The following NUMA1 variants were observed in gnomAD, a reference collection of about 807,000 sequenced individuals.
NUMA1 encodes the protein nuclear mitotic apparatus protein 1, also known as SP-H antigen.
In NUMA1, 62 loss-of-function variants were observed where a neutral mutation model predicts 237.1. The observed-to-expected ratio is 0.26, with a 90% CI of 0.21 to 0.32. NUMA1 has a LOEUF of 0.32. NUMA1 is among the 10% of genes least tolerant of loss of function. The pLI is 1.00. For missense variants in NUMA1, 2,533 were observed against 2,666.5 expected (o/e 0.95, Z 1.10); for synonymous variants, 1,028 against 1,066.1 (o/e 0.96, Z 0.70).
chr11:72,062,962 G>C (rs749819063), intron 2 of NUMA1, among the ~76,000 whole-genome samples: 14 of 152,050 alleles, frequency 9.2e-5, no homozygotes, highest in Non-Finnish European at 2.1e-4. Flanking sequence ...CTAGCTACTC[G>C]GGAGGCTGAG....
At chr11:72,022,524 A>G (rs1350422965) in intron 6 of NUMA1, 105 bp from the exon 7 acceptor site, 2 of 713,630 alleles carry the variant, frequency 2.8e-6, no homozygotes. Flanking sequence ...TGACTCTTCT[A>G]AAAGTCCTGG....
chr11:72,067,858 T>C (rs1943267743), intron 2 of NUMA1: 2 of 152,248 alleles, frequency 1.3e-5, no homozygotes, highest in Admixed American at 6.5e-5. Context: ...ACACCTCATT[T>C]AACTGATGAG....
At chr11:72,044,586 T>C (rs1248478890) in intron 2 of NUMA1, among the ~76,000 whole-genome samples, 1 of 60,286 alleles carries the variant, frequency 1.7e-5, no homozygotes, top group Non-Finnish European at 4.0e-5. Context: ...TATTTAACAG[T>C]TAACAGGGGT....
chr11:72,026,068 AC>A (rs1939540956), intron 4 of NUMA1, among the ~76,000 whole-genome samples: 1 of 152,136 alleles, frequency 6.6e-6, no homozygotes, highest in South Asian at 2.1e-4. Context: ...TATTTCCTAA[AC>A]CTATTTGACC....
rs767957353 is a variant in NUMA1, at chr11:72,005,296, C to T, written c.5766G>A (p.Glu1922=). Residue 1922 remains glutamate (E), a synonymous_variant, in exon 23 of 27, where the codon GAG becomes GAA. Transcript: ENST00000393695. ...EQLDDWNRIA[E]LQQRNRVCPP... is the part of the protein sequence containing the mutation. ...GGCACACTCGATTGCGCTGCTGCAG[C>T]TCTGCAATGCGGTTCCAGTCATCCA... is the stretch of plus-strand genomic sequence containing the variant. 8.7e-6 allele frequency: 14 copies of T among 1,609,646 alleles called. No individual in the cohort carries two copies. The African/African-American group carries it at 1.7e-4, about 20-fold the overall frequency.
intron 1 of NUMA1, among the ~76,000 whole-genome samples, chr11:72,070,992 T>C (rs1419110397): frequency 6.6e-6 from 1 of 152,108 alleles, no homozygotes; most frequent in Non-Finnish European, 1.5e-5. Context: ...TCTAGACCTG[T>C]CTGATGCCAA....
chr11:72,024,647 C>G (rs1573501), intron 4 of NUMA1: 1 of 414,088 alleles, frequency 2.4e-6, no homozygotes, highest in Non-Finnish European at 4.5e-6. Context: ...CGAGAGGAGA[C>G]GGAGGCAGCA....
At chr11:72,040,867 G>C (rs1040308992) in intron 2 of NUMA1, 6 of 151,994 alleles carry the variant, frequency 3.9e-5, no homozygotes, top group Non-Finnish European at 8.8e-5. Context: ...GGAGGTGAGG[G>C]GGGAGAATCC....
In NUMA1 at chr11:72,029,260, C is replaced by G; in HGVS notation, c.73G>C (p.Glu25Gln). 6.2e-7 allele frequency: 1 copy of G among 1,610,390 alleles called. No homozygotes were observed. The highest frequency in any genetic ancestry group is 8.5e-7 in the Non-Finnish European group (1 of 1,179,794). ...VNSLHVADPV[E>Q]AVLQLQDCSI... Reference sequence around the variant, plus strand: ...CAGTCCTGGAGCTGCAGCACAGCCTCCACAGGGTCAGCCACGTGTAGACTG... The same window carrying G: ...CAGTCCTGGAGCTGCAGCACAGCCTGCACAGGGTCAGCCACGTGTAGACTG... Residue 25 changes from glutamate (E) to glutamine (Q), a missense_variant, in exon 4 of 27, where the codon GAG becomes CAG. Transcript: ENST00000393695.
intron 3 of NUMA1, among the ~76,000 whole-genome samples, chr11:72,030,557 T>C (rs1940171211): frequency 6.6e-6 from 1 of 152,210 alleles, no homozygotes; most frequent in African/African-American, 2.4e-5. Context: ...TAAGTATACA[T>C]GGTCAACCTC....
At chr11:72,019,003 T>A (rs777455478) in intron 9 of NUMA1, 23 bp from the exon 10 acceptor site, 2 of 1,612,556 alleles carry the variant, frequency 1.2e-6, no homozygotes, top group South Asian at 2.2e-5. Context: ...AAGGCCCATA[T>A]GCATTGGTAA....
intron 2 of NUMA1, among the ~76,000 whole-genome samples, chr11:72,048,415 A>G (rs562606587): frequency 1.3e-5 from 2 of 152,082 alleles, no homozygotes; most frequent in Non-Finnish European, 2.9e-5. Flanking sequence ...TTTGTCGCCC[A>G]GGCTGGAGTA....
In NUMA1 at chr11:72,013,195, C is replaced by G. The variant is rs1286444354; in HGVS notation, c.4308G>C (p.Gln1436His). The change falls in exon 15 of 27, where the codon CAG becomes CAC. Residue 1436 changes from glutamine (Q) to histidine (H), a missense_variant. Physicochemically the swap from Gln to His is conservative, Grantham distance 24. This residue lies in a region of NUMA1 where 324 missense variants were observed against 407.6 expected (regional missense o/e 0.79). Coordinates refer to ENST00000393695, the MANE Select transcript of NUMA1 (RefSeq NM_006185.4). The surrounding 1 kb of genome is among the most constrained non-coding windows in gnomAD (Gnocchi z 6.8). ...LRAEKASYAE[Q>H]LSMLKKAHGL... ...CATGCGCCTTCTTCAGCATGCTCAG[C>G]TGCTCTGCATAGCTGGCCTTCTCTG... 2 of 1,612,358 alleles carry G rather than the reference C, an allele frequency of 1.2e-6. No homozygotes were observed. The highest frequency in any genetic ancestry group is 8.5e-7 in the Non-Finnish European group (1 of 1,180,034).
chr11:72,012,052 A>T (rs1037259371), intron 16 of NUMA1, among the ~76,000 whole-genome samples: 28 of 152,242 alleles, frequency 1.8e-4, no homozygotes, highest in African/African-American at 6.0e-4. Flanking sequence ...TTAGTCGGGT[A>T]TCCTTAACTA....
Position 72,014,440 on chromosome 11 carries a change from G to A in NUMA1, c.3063C>T (p.Ala1021=). ...QERGRAQADL[A]LEKAARAELE... ...GCTCTGCTCTGGCCGCCTTCTCCAG[G>A]GCAAGGTCAGCCTGGGCACGGCCCC... Residue 1021 remains alanine (A), a synonymous_variant, in exon 15 of 27, where the codon GCC becomes GCT. Transcript: ENST00000393695. The surrounding 1 kb of genome is among the most constrained non-coding windows in gnomAD (Gnocchi z 4.6). The A allele has an allele frequency of 6.2e-7, 1 of 1,606,284 alleles. No individual in the cohort carries two copies. The highest frequency in any genetic ancestry group is 8.5e-7 in the Non-Finnish European group (1 of 1,179,992).
At position 72,003,830 on chromosome 11, in the gene NUMA1, TG is replaced by T. The variant is rs1218944930; in HGVS notation, c.6336+56del. Reference sequence around the variant, plus strand: ...TTGGATGCTACTTGGTGGGGCGGTCTGGGGGGTGCCCATGCTCTCATCGGGT... The same window carrying T: ...TTGGATGCTACTTGGTGGGGCGGTCTGGGGGTGCCCATGCTCTCATCGGGT... On this transcript the variant is annotated intron_variant, in intron 26 of 26. Transcript: ENST00000393695. The T allele has an allele frequency of 7.3e-5, 115 of 1,571,500 alleles. No homozygotes were observed. In the South Asian group the frequency reaches 9.4e-4, roughly 13 times the overall value.
At chr11:72,079,273 G>A (rs757244679) in intron 1 of NUMA1, among the ~76,000 whole-genome samples, 6 of 92,462 alleles carry the variant, frequency 6.5e-5, no homozygotes, top group Non-Finnish European at 1.4e-4. Flanking sequence ...CGGGCGTGAT[G>A]GCTCACGCCT....
At chr11:72,041,114 T>G (rs7115200) in intron 2 of NUMA1, 61,466 of 152,026 alleles carry the variant, frequency 0.4, 12,972 homozygotes, top group East Asian at 0.53. Context: ...AGGAGCGATC[T>G]TCCTGGCTGA....
intron 3 of NUMA1, among the ~76,000 whole-genome samples, chr11:72,034,805 A>G (rs936062874): frequency 6.6e-6 from 1 of 151,916 alleles, no homozygotes; most frequent in African/African-American, 2.4e-5. Flanking sequence ...TCTGAGACCC[A>G]TATTTATCAC....
Sources: allele counts gnomAD v4.1 joint callset (sites outside exome capture counted in the v4.1 genomes callset), GRCh38; gene constraint gnomAD v4.1.1; regional missense constraint gnomAD v4.1.1; non-coding constraint Gnocchi (gnomAD v3.1); transcripts MANE v1.5; gene names NCBI Gene and HGNC (gene_info 2026-07-23, HGNC 2026-07-21).